The following ABCB5 variants were observed in gnomAD, a reference collection of about 807,000 sequenced individuals.
ABCB5 encodes ATP-binding cassette sub-family B member 5.
ABCB5 carries 155 observed loss-of-function variants against 144.2 expected under a neutral mutation model. The ratio of observed to expected loss-of-function variants is 1.08; its 90% confidence interval spans 0.94 to 1.23. The LOEUF (loss-of-function observed/expected upper bound fraction) is 1.23. Among genes scored for constraint, ABCB5 ranks in the 50% most tolerant of loss-of-function variants. The pLI is 0.00. For synonymous variants in ABCB5, 610 were observed against 528.6 expected (o/e 1.15, Z -2.11); for missense variants, 1,830 against 1,520.8 (o/e 1.20, Z -3.38).
At chr7:20,678,914 T>A (rs953165287) in intron 14 of ABCB5, among the ~76,000 whole-genome samples, 1 of 152,172 alleles carries the variant, frequency 6.6e-6, no homozygotes. Flanking sequence ...GGACACCTGG[T>A]TAACTCTATG....
chr7:20,733,197 T>C (rs187384794), intron 23 of ABCB5, among the ~76,000 whole-genome samples: 216 of 152,142 alleles, frequency 1.4e-3, no homozygotes, highest in African/African-American at 5.1e-3. Context: ...TTATTATTAT[T>C]ATTATTATTA....
At chr7:20,699,985 A>G (rs562733525) in intron 18 of ABCB5, 56 bp downstream of exon 18, 42 of 1,599,030 alleles carry the variant, frequency 2.6e-5, no homozygotes, top group Non-Finnish European at 3.4e-5. Flanking sequence ...CATTCTTTCT[A>G]TTTGAGTTAA....
chr7:20,636,485 T>C (rs954362699), intron 5 of ABCB5, among the ~76,000 whole-genome samples: 5 of 151,916 alleles, frequency 3.3e-5, no homozygotes, highest in African/African-American at 1.2e-4. Flanking sequence ...ATTTAAATAA[T>C]AAGAAATTTA....
rs868637188 is a variant in ABCB5, at chr7:20,647,616, G to A, written c.1063G>A (p.Ala355Thr). 11 of 1,580,554 alleles carry A rather than the reference G, an allele frequency of 7.0e-6. No individual in the cohort carries two copies. Among genetic ancestry groups the A allele is most frequent in the Middle Eastern group, 1.7e-4 (1 of 6,014 alleles). ...TGAAACCTTCGCAATAGCCCGAGGAGCTGCCTTTCATATTTTCCAGGTTAT... is the reference window on the plus strand; with the variant it reads ...TGAAACCTTCGCAATAGCCCGAGGAACTGCCTTTCATATTTTCCAGGTTAT... The part of the protein sequence containing the change: ...HFETFAIARG[A>T]AFHIFQVIDK... The change falls in exon 10 of 28, where the codon GCT (alanine) becomes ACT (threonine). Residue 355 changes from alanine (A) to threonine (T), a missense_variant. Coordinates refer to ENST00000404938, the MANE Select transcript of ABCB5 (RefSeq NM_001163941.2).
At chr7:20,726,942 C>T in intron 21 of ABCB5, 98 bp from the exon 22 acceptor site, 1 of 690,748 alleles carries the variant, frequency 1.4e-6, no homozygotes, top group East Asian at 3.0e-5. Flanking sequence ...ACTTGATATA[C>T]TTAATATGTC....
intron 20 of ABCB5, among the ~76,000 whole-genome samples, chr7:20,709,802 T>C (rs1786950303): frequency 6.7e-6 from 1 of 149,582 alleles, no homozygotes; most frequent in Non-Finnish European, 1.5e-5. Context: ...AAGATAAGGC[T>C]GGGCAAGGTG....
At position 20,714,387 on chromosome 7, in the gene ABCB5, A is replaced by G. The variant is rs28539094; in HGVS notation, c.2422-8629A>G. Reference sequence around the variant, plus strand: ...GTATTTTTGTGCCTCTTGCTAAAGAATCTAAGAAAGCTTAATTAAATTTCT... The same window carrying G: ...GTATTTTTGTGCCTCTTGCTAAAGAGTCTAAGAAAGCTTAATTAAATTTCT... On this transcript the variant is annotated intron_variant, in intron 20 of 27. Coordinates refer to ENST00000404938, the MANE Select transcript of ABCB5 (RefSeq NM_001163941.2). Among the ~76,000 whole-genome samples, 271 of 152,170 alleles carry G rather than the reference A, an allele frequency of 1.8e-3. 2 individuals are homozygous for G. In the Middle Eastern group the frequency reaches 0.027, roughly 15 times the overall value.
chr7:20,724,749 C>T (rs959681863), intron 21 of ABCB5, among the ~76,000 whole-genome samples: 2 of 151,778 alleles, frequency 1.3e-5, no homozygotes, highest in Admixed American at 6.6e-5. Flanking sequence ...GTCTGTATCA[C>T]GGTGAATGTG....
chr7:20,715,343 G>A (rs1781637037), intron 20 of ABCB5, among the ~76,000 whole-genome samples: 1 of 152,034 alleles, frequency 6.6e-6, no homozygotes, highest in Non-Finnish European at 1.5e-5. Flanking sequence ...GCCGCGCATG[G>A]CCTCTACTAC....
Position 20,635,343 on chromosome 7 carries a change from T to A in ABCB5, c.314+3230T>A, listed in dbSNP as rs545466297. On this transcript the variant is annotated intron_variant, in intron 5 of 27. Transcript: ENST00000404938. ...ATTTGAAATCAGGTAGTGTGATACA[T>A]CCAGCTTTGTTCTTTCTGCTTATAG... Among the ~76,000 whole-genome samples, 23 of 152,042 alleles carry A rather than the reference T, an allele frequency of 1.5e-4. 1 individual carries two copies. The highest frequency in any genetic ancestry group is 3.1e-4 in the Non-Finnish European group (21 of 67,940).
chr7:20,631,151 A>G (rs1358235386), intron 4 of ABCB5, among the ~76,000 whole-genome samples: 4 of 152,060 alleles, frequency 2.6e-5, no homozygotes, highest in East Asian at 3.9e-4. Flanking sequence ...CTCTATCAAT[A>G]TAATCTACAC....
At chr7:20,617,431 C>T (rs773979644) in intron 1 of ABCB5, among the ~76,000 whole-genome samples, 1 of 152,162 alleles carries the variant, frequency 6.6e-6, no homozygotes, top group African/African-American at 2.4e-5. Context: ...CTATTAACAG[C>T]AGATAAAAAC....
intron 14 of ABCB5, among the ~76,000 whole-genome samples, chr7:20,661,539 TC>T (rs1785002678): frequency 8.1e-6 from 1 of 123,330 alleles, no homozygotes; most frequent in East Asian, 2.1e-4. Flanking sequence ...CTTTTCTTTT[TC>T]TTTTTTTTTT....
intron 14 of ABCB5, among the ~76,000 whole-genome samples, chr7:20,660,590 C>T (rs551121743): frequency 1.3e-5 from 2 of 152,248 alleles, no homozygotes; most frequent in African/African-American, 4.8e-5. Context: ...CTCTCACCAC[C>T]ATAGACTGCA....
chr7:20,637,864 A>C lies in ABCB5; in HGVS notation c.315-5320A>C, dbSNP rs574664165. 3.3e-5 allele frequency among the ~76,000 whole-genome samples: 5 copies of C among 152,336 alleles called. No homozygotes were observed. The South Asian group carries it at 1.0e-3, about 32-fold the overall frequency. On this transcript the variant is annotated intron_variant, in intron 5 of 27. Transcript: ENST00000404938. Reference sequence around the variant, plus strand: ...TTAGATTAGCATATAGTAAGTGCTCAATAAATGAAGCCATTAAATCAATCT... The same window carrying C: ...TTAGATTAGCATATAGTAAGTGCTCCATAAATGAAGCCATTAAATCAATCT...
intron 16 of ABCB5, among the ~76,000 whole-genome samples, chr7:20,694,680 C>T (rs889292978): frequency 2.0e-5 from 3 of 151,594 alleles, no homozygotes; most frequent in Non-Finnish European, 4.4e-5. Context: ...ATTACTTATG[C>T]AAACAATCTT....
chr7:20,619,013 G>C (rs1487090402), intron 1 of ABCB5, among the ~76,000 whole-genome samples: 1 of 151,876 alleles, frequency 6.6e-6, no homozygotes, highest in Non-Finnish European at 1.5e-5. Context: ...GGCCTCAAGT[G>C]ATCCACCTAC....
At chr7:20,653,631 T>A (rs1321996102) in intron 13 of ABCB5, among the ~76,000 whole-genome samples, 3 of 152,172 alleles carry the variant, frequency 2.0e-5, no homozygotes, top group Non-Finnish European at 2.9e-5. Flanking sequence ...ATGAATTCTG[T>A]CTGGGAACAC....
intron 5 of ABCB5, among the ~76,000 whole-genome samples, chr7:20,636,506 C>A (rs1294380152): frequency 6.6e-6 from 1 of 151,456 alleles, no homozygotes; most frequent in Non-Finnish European, 1.5e-5. Flanking sequence ...TTACTGAGAC[C>A]AGCTGCAATG....
Sources: gnomAD v4.1 joint callset for allele counts (sites outside exome capture counted in the v4.1 genomes callset) on GRCh38, gnomAD v4.1.1 for gene constraint, MANE v1.5 for transcripts, NCBI Gene and HGNC (gene_info 2026-07-23, HGNC 2026-07-21) for gene names.